SMARCC1: variants seen among roughly 807,000 people sequenced by gnomAD.
The protein encoded by SMARCC1 is SWI/SNF related BAF chromatin remodeling complex subunit C1.
SMARCC1 carries 43 observed loss-of-function variants against 147.4 expected under a neutral mutation model. The ratio of observed to expected loss-of-function variants is 0.29; its 90% CI spans 0.23 to 0.38. The LOEUF is 0.38. SMARCC1 is among the 10% of genes least tolerant of loss of function. The pLI, the probability that SMARCC1 is intolerant of heterozygous loss-of-function variation, is 1.00. For synonymous variants in SMARCC1, 495 were observed against 484.4 expected, an observed-to-expected ratio of 1.02 and a Z score of -0.29; for missense variants, 1,119 against 1,381.1, an observed-to-expected ratio of 0.81 and a Z score of 3.01.
intron 7 of SMARCC1, among the ~76,000 whole-genome samples, chr3:47,718,317 C>T (rs868565437): frequency 2.6e-5 from 4 of 151,780 alleles, no homozygotes; most frequent in Non-Finnish European, 5.9e-5. Flanking sequence ...TGGTGGCATG[C>T]GCCTATAATC....
chr3:47,646,283 T>C (rs1203158364), intron 21 of SMARCC1, among the ~76,000 whole-genome samples: 1 of 152,188 alleles, frequency 6.6e-6, no homozygotes, highest in Non-Finnish European at 1.5e-5. Context: ...AAAGAAAAAG[T>C]CTCTCTTTGG....
chr3:47,714,344 C>A, intron 8 of SMARCC1, 71 bp downstream of exon 8: 1 of 869,840 alleles, frequency 1.1e-6, no homozygotes, highest in Non-Finnish European at 1.9e-6. Flanking sequence ...GCCTGGGCGA[C>A]AGAGTGAGAC....
chr3:47,640,255 GA>G (rs1029684855), intron 21 of SMARCC1, among the ~76,000 whole-genome samples: 3 of 151,044 alleles, frequency 2.0e-5, no homozygotes, highest in East Asian at 3.9e-4. Context: ...AAAGAAAATA[GA>G]AAAAAAATAC....
chr3:47,695,762 CAAA>C (rs755840430), intron 11 of SMARCC1, among the ~76,000 whole-genome samples: 2 of 59,946 alleles, frequency 3.3e-5, no homozygotes, highest in African/African-American at 6.9e-5. Context: ...GATTCTGTCT[CAAA>C]AAAAAAAAAA....
At chr3:47,747,691 A>G (rs898807479) in intron 2 of SMARCC1, among the ~76,000 whole-genome samples, 1 of 151,934 alleles carries the variant, frequency 6.6e-6, no homozygotes, top group Non-Finnish European at 1.5e-5. Context: ...AAATGCCTGT[A>G]ACCCCAGTAC....
At position 47,745,908 on chromosome 3, in the gene SMARCC1, C is replaced by A; in HGVS notation, c.401G>T (p.Trp134Leu). 1 of 1,531,416 alleles carries A rather than the reference C, an allele frequency of 6.5e-7. No individual in the cohort carries two copies. The allele number at this position is 1,531,416 out of a possible 1,614,324, so 94.9% of individuals were successfully genotyped here. A position where few individuals can be genotyped will look rare whatever the true frequency, so the allele number is the denominator to read the frequency against. ...CATGCAAACAAATACAAAAACTTAC[C>A]ATCCCTGTTCATTTTTATACTTGTA... Reference protein sequence around the residue: ...AAYKYKNEQGWRRFDLQNPSR... With the variant: ...AAYKYKNEQGLRRFDLQNPSR... The change falls in exon 3 of 28, where the codon TGG becomes TTG. Residue 134 changes from tryptophan (W) to leucine (L), a missense_variant and splice_region_variant. By Grantham distance (61) the Trp-to-Leu change is moderately conservative. Transcript: ENST00000254480.
intron 8 of SMARCC1, among the ~76,000 whole-genome samples, chr3:47,713,970 G>A (rs990857583): frequency 1.3e-5 from 2 of 152,282 alleles, no homozygotes. Context: ...ATGGCCGTAC[G>A]TATCTTGTAA....
intron 27 of SMARCC1, 123 bp from the exon 28 acceptor site, chr3:47,588,429 G>A (rs1289018794): frequency 8.8e-6 from 7 of 792,524 alleles, no homozygotes; most frequent in South Asian, 4.8e-5. Context: ...AATGCACCCT[G>A]TGAGGCATTG....
intron 19 of SMARCC1, among the ~76,000 whole-genome samples, chr3:47,668,148 C>G (rs546063045): frequency 6.6e-6 from 1 of 152,150 alleles, no homozygotes; most frequent in Non-Finnish European, 1.5e-5. Context: ...CTGATTATAT[C>G]AACAGAATTT....
At chr3:47,759,618 CAA>C (rs796811233) in intron 2 of SMARCC1, among the ~76,000 whole-genome samples, 17 of 63,752 alleles carry the variant, frequency 2.7e-4, no homozygotes, top group Non-Finnish European at 2.8e-4. Context: ...GACTCCGTCT[CAA>C]AAAAAAAAAA....
intron 21 of SMARCC1, among the ~76,000 whole-genome samples, chr3:47,653,830 G>A (rs1003502040): frequency 6.6e-6 from 1 of 152,200 alleles, no homozygotes; most frequent in Non-Finnish European, 1.5e-5. Flanking sequence ...CTTGAAAGAA[G>A]TTAACTGGGA....
At chr3:47,654,210 C>A (rs1468270795) in intron 21 of SMARCC1, among the ~76,000 whole-genome samples, 1 of 152,150 alleles carries the variant, frequency 6.6e-6, no homozygotes, top group African/African-American at 2.4e-5. Flanking sequence ...TCCATAACCA[C>A]AGAGAACCAA....
rs2032966697 is a variant in SMARCC1 at position 47,636,221 on chromosome 3, A to T, written c.2377-85T>A. The stretch of plus-strand genomic sequence containing the variant: ...TGAGTAATTATCTTAGACTAGCAAA[A>T]GGTTCCAATATTTTTGGCAAGAAAT... On this transcript the variant is annotated intron_variant, in intron 22 of 27. Coordinates refer to ENST00000254480, the MANE Select transcript of SMARCC1 (RefSeq NM_003074.4). 4.3e-6 allele frequency: 3 copies of T among 703,952 alleles called. No homozygotes were observed. In the African/African-American group the frequency reaches 5.3e-5, roughly 13 times the overall value. The allele number at this position is 703,952 out of a possible 1,614,324, so 43.6% of individuals were successfully genotyped here. A position where few individuals can be genotyped will look rare whatever the true frequency, so the allele number is the denominator to read the frequency against.
chr3:47,682,455 T>A (rs1048949165), intron 14 of SMARCC1, among the ~76,000 whole-genome samples: 13 of 152,096 alleles, frequency 8.5e-5, no homozygotes, highest in East Asian at 1.9e-4. Flanking sequence ...ATTAAAAAAA[T>A]TTTTTGTAGA....
chr3:47,756,258 G>A (rs2034695923), intron 2 of SMARCC1, among the ~76,000 whole-genome samples: 1 of 151,878 alleles, frequency 6.6e-6, no homozygotes, highest in Non-Finnish European at 1.5e-5. Context: ...TTCTGGCCAG[G>A]CGTGGTGGCT....
rs1173140031 is a variant in SMARCC1, at chr3:47,676,711, A to G, written c.1643T>C (p.Met548Thr). The change falls in exon 17 of 28, where the codon ATG becomes ACG. Residue 548 changes from methionine to threonine, a missense_variant. Around this residue, in one of 6 missense-constraint regions of SMARCC1, gnomAD observed 178 missense variants for 264.6 expected, o/e 0.67. Transcript: ENST00000254480. Reference sequence around the variant, plus strand: ...AAAATGAGGAGTAGGAGGAGGTCCCATTGCCATGGGTCTACTTTCCGGGTC... The same window carrying G: ...AAAATGAGGAGTAGGAGGAGGTCCCGTTGCCATGGGTCTACTTTCCGGGTC... ...QVDPESRPMAMGPPPTPHFNV... is the reference protein window; with the variant it reads ...QVDPESRPMATGPPPTPHFNV... 6.2e-7 allele frequency: 1 copy of G among 1,613,636 alleles called. No homozygotes were observed. The highest frequency in any genetic ancestry group is 8.5e-7 in the Non-Finnish European group (1 of 1,179,794).
chr3:47,631,848 T>C (rs1015862340), intron 24 of SMARCC1, among the ~76,000 whole-genome samples: 2 of 152,200 alleles, frequency 1.3e-5, no homozygotes, highest in African/African-American at 2.4e-5. Context: ...TTTAAGTGAA[T>C]TCCTTACCCC....
intron 7 of SMARCC1, among the ~76,000 whole-genome samples, chr3:47,716,831 A>G (rs1225732044): frequency 1.3e-5 from 2 of 152,216 alleles, no homozygotes; most frequent in East Asian, 3.8e-4. Flanking sequence ...TGTTTTAAAA[A>G]TAAGCTGGGC....
chr3:47,590,880 G>GTT, intron 26 of SMARCC1, 43 bp from the exon 27 acceptor site: 1 of 1,534,836 alleles, frequency 6.5e-7, no homozygotes, highest in East Asian at 2.4e-5. Flanking sequence ...ACTAGAAAGG[G>GTT]GTGTAAGAAA....
Sources: gnomAD v4.1 joint callset for allele counts (sites outside exome capture counted in the v4.1 genomes callset) on GRCh38, gnomAD v4.1.1 for gene constraint, gnomAD v4.1.1 regional missense constraint, MANE v1.5 for transcripts, NCBI Gene and HGNC (gene_info 2026-07-23, HGNC 2026-07-21) for gene names.